Variants in SLCO1A2 observed in about 807,000 individuals in gnomAD.
The protein encoded by SLCO1A2 is solute carrier organic anion transporter family member 1A2, also known as OATP-1.
SLCO1A2 carries 67 observed loss-of-function variants against 69.0 expected under a neutral mutation model. The ratio of observed to expected loss-of-function variants is 0.97; its 90% CI spans 0.80 to 1.19. The LOEUF is 1.19. Among genes scored for constraint, SLCO1A2 ranks in the 50% most tolerant of loss-of-function variants. The probability of loss-of-function intolerance (pLI) is 0.00; values close to 1 mark genes in which losing one functional copy is unlikely to be tolerated. For missense variants in SLCO1A2, 787 were observed against 793.7 expected (o/e 0.99, Z 0.10); for synonymous variants, 260 against 265.9 (o/e 0.98, Z 0.22).
chr12:21,384,944 T>G (rs1940799104), intron 1 of SLCO1A2, among the ~76,000 whole-genome samples: 1 of 152,078 alleles, frequency 6.6e-6, no homozygotes, highest in African/African-American at 2.4e-5. Context: ...TTTTTGTATT[T>G]TTAGTAGAGA....
intron 1 of SLCO1A2, among the ~76,000 whole-genome samples, chr12:21,415,200 TCTTA>T (rs1591923717): frequency 6.6e-6 from 1 of 152,096 alleles, no homozygotes; most frequent in Non-Finnish European, 1.5e-5. Context: ...TTATATTCTT[TCTTA>T]CTTTATTTTA....
At chr12:21,289,200 G>T (rs1232118012) in intron 12 of SLCO1A2, among the ~76,000 whole-genome samples, 1 of 151,168 alleles carries the variant, frequency 6.6e-6, no homozygotes, top group African/African-American at 2.4e-5. Context: ...GTGTGTGTGT[G>T]TGTGTGTGTG....
intron 2 of SLCO1A2, chr12:21,354,887 T>G (rs952417272): frequency 3.3e-4 from 50 of 152,158 alleles, no homozygotes; most frequent in African/African-American, 1.2e-3. Flanking sequence ...TTCTGATGTT[T>G]CCTGGGATAC....
chr12:21,379,319 G>A (rs1257305589), intron 1 of SLCO1A2: 2 of 152,140 alleles, frequency 1.3e-5, no homozygotes, highest in Non-Finnish European at 2.9e-5. Flanking sequence ...ATCCATGAGG[G>A]TTTCATTGTG....
intron 9 of SLCO1A2, 136 bp from the exon 10 acceptor site, chr12:21,295,928 TC>T: frequency 1.7e-6 from 1 of 587,168 alleles, no homozygotes; most frequent in Non-Finnish European, 3.0e-6. Context: ...TTTAATTTTA[TC>T]CCCACTTAGT....
At chr12:21,384,454 T>A (rs1316055008) in intron 1 of SLCO1A2, among the ~76,000 whole-genome samples, 1 of 152,130 alleles carries the variant, frequency 6.6e-6, no homozygotes, top group Non-Finnish European at 1.5e-5. Context: ...AATCCACCAC[T>A]TCTCTGTGGG....
chr12:21,418,819 AG>A (rs1324414278), upstream of SLCO1A2, among the ~76,000 whole-genome samples: 3 of 152,194 alleles, frequency 2.0e-5, no homozygotes, highest in African/African-American at 7.2e-5. Flanking sequence ...GTGATGGTCT[AG>A]AACAGGGGAT....
chr12:21,405,506 C>A (rs1398646017), intron 1 of SLCO1A2, among the ~76,000 whole-genome samples: 1 of 152,146 alleles, frequency 6.6e-6, no homozygotes, highest in Non-Finnish European at 1.5e-5. Context: ...CTTCAGGCAT[C>A]ATGATACCCA....
chr12:21,267,829 C>T lies in SLCO1A2; in HGVS notation c.*1719G>A, dbSNP rs1246183079. On this transcript the variant is annotated 3_prime_UTR_variant, in exon 15 of 15. Transcript: ENST00000683939. Reference sequence around the variant, plus strand: ...CCATTCTCCTCACTTCCTCCCACCACAAAGGAAGTGGCTCCAAATTTCATG... The same window carrying T: ...CCATTCTCCTCACTTCCTCCCACCATAAAGGAAGTGGCTCCAAATTTCATG... 6.6e-6 allele frequency: 1 copy of T among 152,050 alleles called. No homozygotes were observed. The highest frequency in any genetic ancestry group is 2.4e-5 in the African/African-American group (1 of 41,418). 9.4% of individuals were successfully genotyped at this position (152,050 alleles called of 1,614,324 possible).
chr12:21,388,720 C>T (rs1304086142), intron 1 of SLCO1A2, among the ~76,000 whole-genome samples: 1 of 151,946 alleles, frequency 6.6e-6, no homozygotes, highest in Non-Finnish European at 1.5e-5. Context: ...GTGGCATTGA[C>T]CAAAGCATGA....
Position 21,274,907 on chromosome 12 carries a change from A to C in SLCO1A2, c.1676-321T>G, listed in dbSNP as rs1043389451. 3.8e-6 allele frequency: 4 copies of C among 1,058,888 alleles called. No homozygotes were observed. In the African/African-American group the frequency reaches 6.7e-5, roughly 18 times the overall value. 65.6% of individuals were successfully genotyped at this position (1,058,888 alleles called of 1,614,324 possible). On this transcript the variant is annotated intron_variant, in intron 13 of 14. Transcript: ENST00000683939. ...TTATTTGGGCAGAGCATTTTCTTTC[A>C]TTTTATTTTCAAATCTTCAAACAAA... is the stretch of plus-strand genomic sequence containing the variant.
At chr12:21,347,255 C>A (rs960995381) in intron 2 of SLCO1A2, among the ~76,000 whole-genome samples, 1 of 152,110 alleles carries the variant, frequency 6.6e-6, no homozygotes. Flanking sequence ...TATTTATAAG[C>A]CTTTCTAAAC....
intron 2 of SLCO1A2, among the ~76,000 whole-genome samples, chr12:21,359,433 C>A (rs1212023562): frequency 6.6e-6 from 1 of 152,074 alleles, no homozygotes; most frequent in Non-Finnish European, 1.5e-5. Flanking sequence ...AATCGCCTGG[C>A]TAAAAGAACC....
At chr12:21,410,125 C>G (rs1229788275) in intron 1 of SLCO1A2, among the ~76,000 whole-genome samples, 1 of 152,128 alleles carries the variant, frequency 6.6e-6, no homozygotes, top group Non-Finnish European at 1.5e-5. Context: ...TAAACCAAAT[C>G]TAAGAGTCTG....
intron 1 of SLCO1A2, among the ~76,000 whole-genome samples, chr12:21,386,834 G>T (rs1940907470): frequency 2.6e-5 from 4 of 152,058 alleles, no homozygotes; most frequent in Admixed American, 2.6e-4. Flanking sequence ...TTGAAGAGAA[G>T]ACAGGAAAAT....
intron 14 of SLCO1A2, among the ~76,000 whole-genome samples, chr12:21,271,030 G>GA (rs1389061242): frequency 6.6e-6 from 1 of 151,468 alleles, no homozygotes; most frequent in Admixed American, 6.6e-5. Context: ...CTAGGATTCA[G>GA]AAAAAAATGG....
rs900500070 is a variant in SLCO1A2, at chr12:21,268,413, T to C, written c.*1135A>G. 1 of 152,092 alleles carries C rather than the reference T, an allele frequency of 6.6e-6. No individual in the cohort carries two copies. Among genetic ancestry groups the C allele is most frequent in the African/African-American group, 2.4e-5 (1 of 41,440 alleles). The allele number at this position is 152,092 out of a possible 1,614,324, so 9.4% of individuals were successfully genotyped here. A position where few individuals can be genotyped will look rare whatever the true frequency, so the allele number is the denominator to read the frequency against. On this transcript the variant is annotated 3_prime_UTR_variant, in exon 15 of 15. Transcript: ENST00000683939. ...TAGGGATTTATGTCATTCTTATATA[T>C]TGACTGTCATTTCAACAGGAAGGAG... is the stretch of plus-strand genomic sequence containing the variant.
intron 1 of SLCO1A2, among the ~76,000 whole-genome samples, chr12:21,382,181 C>G (rs1254391911): frequency 1.3e-5 from 2 of 152,164 alleles, no homozygotes; most frequent in African/African-American, 2.4e-5. Context: ...TTTGCAGCAA[C>G]TTGGATGGAG....
chr12:21,384,767 TTC>T, intron 1 of SLCO1A2, among the ~76,000 whole-genome samples: 1 of 140,528 alleles, frequency 7.1e-6, no homozygotes. Flanking sequence ...TAGTTTTTTT[TTC>T]TTTTTTTTTT....
Sources: gnomAD v4.1 joint callset for allele counts (sites outside exome capture counted in the v4.1 genomes callset) on GRCh38, gnomAD v4.1.1 for gene constraint, MANE v1.5 for transcripts, NCBI Gene and HGNC (gene_info 2026-07-23, HGNC 2026-07-21) for gene names.